The following IL1RAPL2 variants were observed in gnomAD, a reference collection of about 807,000 sequenced individuals.
IL1RAPL2 encodes the protein X-linked interleukin-1 receptor accessory protein-like 2.
A neutral mutation model predicts 44.1 loss-of-function variants in IL1RAPL2; 3 were observed. That is an observed-to-expected ratio of 0.07 (90% CI 0.03 to 0.18). The LOEUF (loss-of-function observed/expected upper bound fraction) is 0.18, where lower values mean the gene tolerates loss of function less well. IL1RAPL2 is among the 10% of genes least tolerant of loss of function. IL1RAPL2 has a pLI of 1.00. For missense variants in IL1RAPL2, 391 were observed against 496.4 expected, an observed-to-expected ratio of 0.79 and a Z score of 2.02; for synonymous variants, 181 against 178.8, an observed-to-expected ratio of 1.01 and a Z score of -0.10.
At chrX:104,647,482 G>A (rs993618791) in intron 1 of IL1RAPL2, 1 of 571,893 alleles carries the variant, frequency 1.7e-6, no homozygotes, top group Non-Finnish European at 3.1e-6. Flanking sequence ...TCCCGAAGGT[G>A]GGATGTGTCA....
At chrX:105,357,641 T>C (rs1389573181) in intron 5 of IL1RAPL2, among the ~76,000 whole-genome samples, 1 of 107,617 alleles carries the variant, frequency 9.3e-6, no homozygotes, top group Admixed American at 9.9e-5. Context: ...GTACTAACTC[T>C]GGTAGTTTGC....
intron 5 of IL1RAPL2, among the ~76,000 whole-genome samples, chrX:105,409,838 A>AGATAGATAGATAG (rs2147740047): frequency 1.1e-5 from 1 of 91,649 alleles, no homozygotes; most frequent in South Asian, 6.2e-4. Context: ...ATAGATAGAT[A>AGATAGATAGATAG]GATAGATAGA....
At chrX:104,982,506 A>G (rs749090780) in intron 2 of IL1RAPL2, among the ~76,000 whole-genome samples, 19 of 111,474 alleles carry the variant, frequency 1.7e-4, no homozygotes, top group South Asian at 3.7e-4. Flanking sequence ...AACTAGTTTT[A>G]TAGTATGTAG....
At chrX:105,411,733 C>T (rs2035697428) in intron 5 of IL1RAPL2, among the ~76,000 whole-genome samples, 2 of 111,484 alleles carry the variant, frequency 1.8e-5, no homozygotes, top group African/African-American at 6.5e-5. Context: ...GACTTCAACA[C>T]CCCACTTTCA....
At chrX:105,408,189 T>G (rs1209265700) in intron 5 of IL1RAPL2, among the ~76,000 whole-genome samples, 2 of 112,272 alleles carry the variant, frequency 1.8e-5, no homozygotes, top group African/African-American at 6.5e-5. Context: ...ATTTGGCTGG[T>G]CCAAGATGTA....
Position 105,075,535 on chromosome X carries a change from A to T in IL1RAPL2, c.83-119940A>T, listed in dbSNP as rs766878904. Among the ~76,000 whole-genome samples the T allele has an allele frequency of 8.2e-4, 92 of 111,760 alleles. No homozygotes were observed. In the Middle Eastern group the frequency reaches 0.018, roughly 22 times the overall value. On this transcript the variant is annotated intron_variant, in intron 2 of 10. Transcript: ENST00000372582. ...AGTTGTGTCTCTGCCAGGCTTTGGT[A>T]TCAGGATGATGCTGGCCTCATAAAA...
chrX:104,592,080 G>A (rs1344657954), intron 1 of IL1RAPL2, among the ~76,000 whole-genome samples: 2 of 106,552 alleles, frequency 1.9e-5, no homozygotes, highest in South Asian at 4.3e-4. Context: ...AACTGAAGCA[G>A]TGTTGACATT....
intron 2 of IL1RAPL2, among the ~76,000 whole-genome samples, chrX:104,801,729 T>G (rs1280776715): frequency 9.0e-6 from 1 of 111,682 alleles, no homozygotes; most frequent in African/African-American, 3.3e-5. Context: ...AATAGCTGAA[T>G]TCAGTTTCAT....
intron 2 of IL1RAPL2, among the ~76,000 whole-genome samples, chrX:104,930,682 G>A (rs1475653287): frequency 4.5e-5 from 5 of 111,515 alleles, no homozygotes; most frequent in East Asian, 2.8e-4. Flanking sequence ...CTTACCCTTC[G>A]TATTATACTG....
At chrX:104,580,148 A>G (rs1337246385) in intron 1 of IL1RAPL2, among the ~76,000 whole-genome samples, 4 of 112,202 alleles carry the variant, frequency 3.6e-5, no homozygotes, top group Non-Finnish European at 7.5e-5. Context: ...GTATTGATTA[A>G]ACCTCTCTGT....
intron 5 of IL1RAPL2, among the ~76,000 whole-genome samples, chrX:105,299,224 T>C (rs993649884): frequency 5.4e-5 from 6 of 111,761 alleles, no homozygotes; most frequent in African/African-American, 2.0e-4. Flanking sequence ...TTTTGATGAG[T>C]TTGGACATAT....
At chrX:104,634,155 T>C (rs1929730388) in intron 1 of IL1RAPL2, among the ~76,000 whole-genome samples, 1 of 111,739 alleles carries the variant, frequency 8.9e-6, no homozygotes, top group South Asian at 3.8e-4. Flanking sequence ...TGAGCAGTTT[T>C]GAGTGAGTTT....
chrX:104,929,293 T>C (rs571743180), intron 2 of IL1RAPL2, among the ~76,000 whole-genome samples: 1 of 111,925 alleles, frequency 8.9e-6, no homozygotes, highest in Middle Eastern at 4.6e-3. Flanking sequence ...AGCTGACTTC[T>C]TTTGACTTAA....
At chrX:105,685,083 C>G (rs2037958675) in intron 6 of IL1RAPL2, among the ~76,000 whole-genome samples, 2 of 111,937 alleles carry the variant, frequency 1.8e-5, no homozygotes, top group Non-Finnish European at 3.8e-5. Context: ...GTATATAAAA[C>G]CACAAAGATT....
At chrX:104,964,295 T>G (rs868639304) in intron 2 of IL1RAPL2, among the ~76,000 whole-genome samples, 4 of 106,403 alleles carry the variant, frequency 3.8e-5, no homozygotes, top group African/African-American at 1.4e-4. Context: ...TTTATTTATT[T>G]ATTTATTTAT....
intron 8 of IL1RAPL2, among the ~76,000 whole-genome samples, chrX:105,744,147 T>C (rs970147035): frequency 1.8e-5 from 2 of 112,222 alleles, no homozygotes; most frequent in Non-Finnish European, 3.8e-5. Flanking sequence ...CTGGATATGA[T>C]GTCTTTTAAT....
At chrX:105,537,314 T>C (rs142523365) in intron 6 of IL1RAPL2, among the ~76,000 whole-genome samples, 441 of 111,465 alleles carry the variant, frequency 4.0e-3, no homozygotes, top group Middle Eastern at 0.019. Flanking sequence ...CAGGAACCCA[T>C]AATTTAATGG....
chrX:104,822,026 G>A (rs995291662), intron 2 of IL1RAPL2, among the ~76,000 whole-genome samples: 3 of 111,731 alleles, frequency 2.7e-5, no homozygotes, highest in Non-Finnish European at 5.6e-5. Flanking sequence ...TATATTTGTT[G>A]GACACTTATA....
At chrX:104,989,068 C>T (rs1365177456) in intron 2 of IL1RAPL2, among the ~76,000 whole-genome samples, 1 of 111,601 alleles carries the variant, frequency 9.0e-6, no homozygotes, top group Non-Finnish European at 1.9e-5. Context: ...CCAGAAAAGC[C>T]TGGGGTAACC....
Sources: gnomAD v4.1 joint callset for allele counts (sites outside exome capture counted in the v4.1 genomes callset) on GRCh38, gnomAD v4.1.1 for gene constraint, MANE v1.5 for transcripts, NCBI Gene and HGNC (gene_info 2026-07-23, HGNC 2026-07-21) for gene names.